Variants in MCTP2 observed in about 807,000 individuals in gnomAD.
MCTP2 encodes the protein multiple C2 and transmembrane domain-containing protein 2.
A neutral mutation model predicts 111.6 loss-of-function variants in MCTP2; 132 were observed. The ratio of observed to expected loss-of-function variants is 1.18; its 90% CI spans 1.03 to 1.37. MCTP2 has a LOEUF of 1.37. Ranked by LOEUF, MCTP2 falls within the 40% of genes most tolerant of loss-of-function variation. The probability of loss-of-function intolerance (pLI) is 0.00; values close to 1 mark genes in which losing one functional copy is unlikely to be tolerated. For missense variants in MCTP2, 1,183 were observed against 1,067.9 expected (o/e 1.11, Z -1.50); for synonymous variants, 395 against 387.7 (o/e 1.02, Z -0.22).
At chr15:94,330,686 A>G (rs560089009) in intron 4 of MCTP2, among the ~76,000 whole-genome samples, 2 of 152,198 alleles carry the variant, frequency 1.3e-5, no homozygotes, top group East Asian at 1.9e-4. Flanking sequence ...CGAAGTTCAC[A>G]CCCTTATTGG....
intron 4 of MCTP2, among the ~76,000 whole-genome samples, chr15:94,328,132 T>C (rs2076962778): frequency 2.5e-5 from 1 of 39,798 alleles, no homozygotes; most frequent in Non-Finnish European, 4.4e-5. Flanking sequence ...ATTTCTTTTC[T>C]TTTTTTTTTT....
intron 17 of MCTP2, 141 bp downstream of exon 17, chr15:94,402,160 C>T: frequency 7.5e-7 from 1 of 1,329,028 alleles, no homozygotes; most frequent in Non-Finnish European, 1.0e-6. Flanking sequence ...TGGGAAACCC[C>T]TTAAATTACC....
rs1463924200 is a variant in MCTP2 at position 94,300,177 on chromosome 15, A to T, written c.465+1447A>T. Among the ~76,000 whole-genome samples the T allele has an allele frequency of 2.0e-5, 3 of 152,156 alleles. No individual in the cohort carries two copies. The East Asian group carries it at 5.8e-4, about 29-fold the overall frequency. On this transcript the variant is annotated intron_variant, in intron 2 of 22. Transcript: ENST00000357742. ...ACTAACATTTTCATACTCAGAAGGA[A>T]TTTTTTTGAAGCGACTGCTGTTAAA...
At chr15:94,399,102 C>G in intron 15 of MCTP2, 40 bp downstream of exon 15, 1 of 1,055,598 alleles carries the variant, frequency 9.5e-7, no homozygotes, top group Non-Finnish European at 1.5e-6. Context: ...TTTCCCGTAC[C>G]TAAAATAGAA....
At chr15:94,401,084 A>G (rs2081564285) in intron 16 of MCTP2, among the ~76,000 whole-genome samples, 1 of 152,114 alleles carries the variant, frequency 6.6e-6, no homozygotes, top group Non-Finnish European at 1.5e-5. Flanking sequence ...TGCAACTGGG[A>G]GAGAGACATT....
intron 21 of MCTP2, among the ~76,000 whole-genome samples, chr15:94,472,352 G>A (rs541795736): frequency 9.3e-4 from 142 of 152,276 alleles, no homozygotes; most frequent in Middle Eastern, 3.4e-3. Flanking sequence ...ACTCCAGCCT[G>A]GGCAACAGAA....
Position 94,370,150 on chromosome 15 carries a change from G to C in MCTP2, c.1552G>C (p.Ala518Pro). ...CATTCTACAAGTGAAGGTTTTAAAG[G>C]CAGCAGATCTCTTAGCGGCAGATTT... ...VGILQVKVLK[A>P]ADLLAADFSG... Residue 518 changes from alanine (A) to proline (P), a missense_variant, in exon 12 of 23, where the codon GCA becomes CCA. Coordinates refer to ENST00000357742, the MANE Select transcript of MCTP2 (RefSeq NM_001385001.1). The C allele has an allele frequency of 6.2e-7, 1 of 1,613,234 alleles. No individual in the cohort carries two copies. Among genetic ancestry groups the C allele is most frequent in the East Asian group, 2.2e-5 (1 of 44,812 alleles).
intron 1 of MCTP2, among the ~76,000 whole-genome samples, chr15:94,286,615 A>G (rs2074769004): frequency 6.6e-6 from 1 of 152,198 alleles, no homozygotes; most frequent in African/African-American, 2.4e-5. Context: ...ATGCTGTTCC[A>G]TTCTGAGAAC....
chr15:94,247,460 A>G lies in MCTP2; in HGVS notation c.-66+15796A>G, dbSNP rs79475837. Among the ~76,000 whole-genome samples, 682 of 152,224 alleles carry G rather than the reference A, an allele frequency of 4.5e-3. 4 individuals are homozygous for G. Among genetic ancestry groups the G allele is most frequent in the African/African-American group, 0.016 (667 of 41,524 alleles). On this transcript the variant is annotated intron_variant, in intron 1 of 22. Transcript: ENST00000357742. ...TAGGATCCTTCAATTCTTGGTTGAT[A>G]GTGTCTGAGATCACTTATGTGGGCC...
intron 19 of MCTP2, among the ~76,000 whole-genome samples, chr15:94,457,091 A>G (rs2084881179): frequency 1.3e-5 from 2 of 152,150 alleles, no homozygotes; most frequent in Non-Finnish European, 2.9e-5. Flanking sequence ...GTTTAGTACA[A>G]TTTTCACCCA....
intron 1 of MCTP2, among the ~76,000 whole-genome samples, chr15:94,234,193 G>A (rs2070385305): frequency 6.6e-6 from 1 of 152,186 alleles, no homozygotes; most frequent in Admixed American, 6.5e-5. Flanking sequence ...TGAAGGAGGA[G>A]AGTATGTAGG....
chr15:94,389,906 A>C (rs1196696604), intron 14 of MCTP2, among the ~76,000 whole-genome samples: 1 of 151,780 alleles, frequency 6.6e-6, no homozygotes, highest in African/African-American at 2.4e-5. Flanking sequence ...TCAAAATGGT[A>C]ATGTGCTAAG....
intron 4 of MCTP2, among the ~76,000 whole-genome samples, chr15:94,316,661 A>G (rs1172375114): frequency 2.6e-5 from 4 of 152,184 alleles, no homozygotes; most frequent in African/African-American, 9.7e-5. Flanking sequence ...CATTGACATT[A>G]GTTATATATT....
At chr15:94,469,670 C>G (rs892600278) in intron 20 of MCTP2, among the ~76,000 whole-genome samples, 3 of 152,046 alleles carry the variant, frequency 2.0e-5, no homozygotes, top group Non-Finnish European at 4.4e-5. Flanking sequence ...GAGTTCGAGA[C>G]TAGCCTGGGG....
rs28671136 is a variant in MCTP2, at chr15:94,435,718, G to A, written c.2086-4458G>A. On this transcript the variant is annotated intron_variant, in intron 17 of 22. Transcript: ENST00000357742. ...GCGATCTCGGCTCACTGCAAGCTCC[G>A]CCTCCCGGGTTCACGCCATTCTCCT... is the stretch of plus-strand genomic sequence containing the variant. Among the ~76,000 whole-genome samples the A allele has an allele frequency of 1.3e-4, 17 of 127,566 alleles. 3 individuals carry two copies. Among genetic ancestry groups the A allele is most frequent in the African/African-American group, 4.2e-4 (15 of 35,310 alleles). 83.7% of individuals were successfully genotyped at this position (127,566 alleles called of 152,430 possible).
At chr15:94,233,635 A>G (rs1010892586) in intron 1 of MCTP2, among the ~76,000 whole-genome samples, 40 of 152,310 alleles carry the variant, frequency 2.6e-4, no homozygotes, top group African/African-American at 9.6e-4. Context: ...TATTTCCAGA[A>G]GTACTACTTC....
intron 17 of MCTP2, among the ~76,000 whole-genome samples, chr15:94,421,266 ACC>A (rs1292757519): frequency 6.6e-6 from 1 of 152,064 alleles, no homozygotes; most frequent in Non-Finnish European, 1.5e-5. Context: ...GTACTGGGAA[ACC>A]CAAAAAATTG....
chr15:94,274,722 T>G (rs1342913329), intron 1 of MCTP2, among the ~76,000 whole-genome samples: 2 of 152,130 alleles, frequency 1.3e-5, no homozygotes, highest in African/African-American at 2.4e-5. Context: ...TTTAAATTTA[T>G]TATTAAAAAT....
chr15:94,358,417 G>A (rs2078746100), intron 9 of MCTP2, 65 bp from the exon 10 acceptor site: 7 of 1,439,504 alleles, frequency 4.9e-6, no homozygotes, highest in Non-Finnish European at 6.7e-6. Context: ...TGAAATTAAT[G>A]TGTAGCTTCT....
Sources: gnomAD v4.1 joint callset for allele counts (sites outside exome capture counted in the v4.1 genomes callset) on GRCh38, gnomAD v4.1.1 for gene constraint, MANE v1.5 for transcripts, NCBI Gene and HGNC (gene_info 2026-07-23, HGNC 2026-07-21) for gene names.